Variants in PLEKHG7 observed in about 807,000 individuals in gnomAD.
PLEKHG7 encodes the protein pleckstrin homology domain-containing family G member 7.
Under a neutral mutation model 85.2 loss-of-function variants are expected in PLEKHG7, and 77 were observed. The ratio of observed to expected loss-of-function variants is 0.90; its 90% CI spans 0.75 to 1.09. The LOEUF is 1.09. Among genes scored for constraint, PLEKHG7 ranks in the 50% least tolerant of loss-of-function variants. PLEKHG7 has a pLI of 0.00. For missense variants in PLEKHG7, 777 were observed against 804.3 expected (o/e 0.97, Z 0.41); for synonymous variants, 301 against 302.4 (o/e 1.00, Z 0.05).
Position 92,756,818 on chromosome 12 carries a change from A to G in PLEKHG7, c.1636+427A>G, listed in dbSNP as rs150404700. 5.3e-5 allele frequency among the ~76,000 whole-genome samples: 8 copies of G among 152,318 alleles called. No homozygotes were observed. The East Asian group carries it at 1.4e-3, about 26-fold the overall frequency. On this transcript the variant is annotated intron_variant, in intron 13 of 16. Transcript: ENST00000344636. ...TGTGCTAGGTAGGTACTATTGGAAG[A>G]TATAAAAACTCATTCTGTATAATTC...
At chr12:92,709,634 G>T (rs1283791854) in intron 3 of PLEKHG7, among the ~76,000 whole-genome samples, 2 of 152,206 alleles carry the variant, frequency 1.3e-5, no homozygotes, top group Non-Finnish European at 1.5e-5. Context: ...AGACATAAAG[G>T]CAGATCAATG....
At chr12:92,755,612 G>A (rs1449445062) in intron 11 of PLEKHG7, among the ~76,000 whole-genome samples, 1 of 152,110 alleles carries the variant, frequency 6.6e-6, no homozygotes, top group Non-Finnish European at 1.5e-5. Context: ...AATTAAATTA[G>A]CTAAGCTTGA....
At chr12:92,761,919 T>C in intron 14 of PLEKHG7, 88 bp downstream of exon 14, 1 of 1,362,032 alleles carries the variant, frequency 7.3e-7, no homozygotes, top group South Asian at 1.9e-5. Context: ...GGTAAAAATA[T>C]AAAATATTCT....
chr12:92,755,863 C>G lies in PLEKHG7; in HGVS notation c.1465C>G (p.Gln489Glu). The G allele has an allele frequency of 1.2e-6, 2 of 1,613,222 alleles. No homozygotes were observed. The highest frequency in any genetic ancestry group is 1.7e-6 in the Non-Finnish European group (2 of 1,179,700). The change falls in exon 12 of 17, where the codon CAA (glutamine) becomes GAA (glutamate). Residue 489 changes from glutamine (Q) to glutamate (E), a missense_variant. Gln to Glu is a conservative substitution (Grantham distance 29). Transcript: ENST00000344636. ...AAAAGTGAAGTGGCTGGACAATTTC[C>G]AAAAATTTAGATATCTACAGGAGAT... Reference protein sequence around the residue: ...EGKVKWLDNFQKFRYLQEIIV... With the variant: ...EGKVKWLDNFEKFRYLQEIIV...
intron 15 of PLEKHG7, among the ~76,000 whole-genome samples, chr12:92,766,313 G>A (rs1873195339): frequency 6.6e-6 from 1 of 152,136 alleles, no homozygotes; most frequent in African/African-American, 2.4e-5. Context: ...TTATGATACA[G>A]TTATACGCTA....
chr12:92,754,671 A>G (rs1872777942), intron 11 of PLEKHG7, among the ~76,000 whole-genome samples: 1 of 152,210 alleles, frequency 6.6e-6, no homozygotes, highest in South Asian at 2.1e-4. Flanking sequence ...TTCTTAAATC[A>G]CCGAAAGCCA....
intron 15 of PLEKHG7, among the ~76,000 whole-genome samples, chr12:92,767,198 G>C (rs985835056): frequency 2.0e-5 from 3 of 152,162 alleles, no homozygotes; most frequent in Non-Finnish European, 2.9e-5. Flanking sequence ...TTTTAAAATT[G>C]TGTCAGTTAT....
chr12:92,738,841 A>C (rs987763138), intron 7 of PLEKHG7, among the ~76,000 whole-genome samples: 18 of 152,264 alleles, frequency 1.2e-4, no homozygotes, highest in African/African-American at 3.9e-4. Context: ...TGTCAATCAC[A>C]GTGCTAAATC....
intron 15 of PLEKHG7, among the ~76,000 whole-genome samples, chr12:92,765,485 C>T (rs1873167462): frequency 2.0e-5 from 3 of 152,024 alleles, no homozygotes; most frequent in Non-Finnish European, 4.4e-5. Flanking sequence ...CAAAATTAGC[C>T]AGGCATGGTG....
intron 3 of PLEKHG7, among the ~76,000 whole-genome samples, chr12:92,711,074 A>G (rs1458419655): frequency 6.6e-6 from 1 of 152,180 alleles, no homozygotes; most frequent in Non-Finnish European, 1.5e-5. Context: ...GCTGCAGCCC[A>G]TAAATCAGTA....
Position 92,745,515 on chromosome 12 carries a change from A to C in PLEKHG7, c.1175A>C (p.Tyr392Ser). Residue 392 changes from tyrosine to serine, a missense_variant, in exon 10 of 17, where the codon TAC becomes TCC. Around this residue, in one of 3 missense-constraint regions of PLEKHG7, gnomAD observed 520 missense variants for 544.0 expected, o/e 0.96. Transcript: ENST00000344636. The part of the protein sequence containing the change: ...RGSLCQSHQT[Y>S]CLNYSAAIFY... ...AGTCTCTGTCAGAGCCACCAGACCT[A>C]CTGCCTGAACTATTCAGCTGCTATC... 6.2e-7 allele frequency: 1 copy of C among 1,613,982 alleles called. No individual in the cohort carries two copies. Among genetic ancestry groups the C allele is most frequent in the Non-Finnish European group, 8.5e-7 (1 of 1,179,876 alleles).
intron 3 of PLEKHG7, among the ~76,000 whole-genome samples, chr12:92,723,143 C>G (rs549217119): frequency 3.3e-5 from 5 of 152,332 alleles, no homozygotes; most frequent in South Asian, 4.1e-4. Flanking sequence ...GTTTAAAGAA[C>G]AGTACACAGC....
chr12:92,769,334 C>T (rs1326442026), intron 16 of PLEKHG7, among the ~76,000 whole-genome samples: 4 of 152,106 alleles, frequency 2.6e-5, no homozygotes, highest in African/African-American at 7.2e-5. Flanking sequence ...AATTTCCTCA[C>T]GCTTGCAGAG....
At chr12:92,724,933 A>G (rs758347591) in intron 3 of PLEKHG7, among the ~76,000 whole-genome samples, 10 of 152,124 alleles carry the variant, frequency 6.6e-5, no homozygotes, top group South Asian at 2.1e-4. Context: ...CACATTATCT[A>G]TTATTACAAT....
At chr12:92,742,348 GAT>G (rs948060639) in intron 9 of PLEKHG7, among the ~76,000 whole-genome samples, 5 of 152,094 alleles carry the variant, frequency 3.3e-5, no homozygotes, top group African/African-American at 1.2e-4. Flanking sequence ...ATCAAAGTAA[GAT>G]AAATGCTGGG....
At chr12:92,715,181 A>G (rs1019929195) in intron 3 of PLEKHG7, among the ~76,000 whole-genome samples, 7 of 152,304 alleles carry the variant, frequency 4.6e-5, no homozygotes, top group South Asian at 2.1e-4. Context: ...TTGGAGTCCA[A>G]TGTTCGAGGG....
intron 4 of PLEKHG7, among the ~76,000 whole-genome samples, chr12:92,731,347 A>G (rs148037774): frequency 6.6e-6 from 1 of 152,356 alleles, no homozygotes; most frequent in Non-Finnish European, 1.5e-5. Context: ...TCCCAAGGTT[A>G]CAGTGGGAAG....
rs553149259 is a variant in PLEKHG7, at chr12:92,709,677, T to C, written c.530+2005T>C. On this transcript the variant is annotated intron_variant, in intron 3 of 16. Transcript: ENST00000344636. ...TGAAGCCATTTGCAAAAAAATGATG[T>C]GAAGGTAATTTCCATTGCCATATGA... 1.1e-4 allele frequency among the ~76,000 whole-genome samples: 17 copies of C among 152,282 alleles called. No homozygotes were observed. In the East Asian group the frequency reaches 3.1e-3, roughly 28 times the overall value.
At chr12:92,717,689 G>A (rs1049241254) in intron 3 of PLEKHG7, among the ~76,000 whole-genome samples, 2 of 152,098 alleles carry the variant, frequency 1.3e-5, no homozygotes, top group African/African-American at 4.8e-5. Context: ...ACCATAACAC[G>A]GTGTACAGGT....
Sources: allele counts gnomAD v4.1 joint callset (sites outside exome capture counted in the v4.1 genomes callset), GRCh38; gene constraint gnomAD v4.1.1; regional missense constraint gnomAD v4.1.1; transcripts MANE v1.5; gene names NCBI Gene and HGNC (gene_info 2026-07-23, HGNC 2026-07-21).